Variants in SPAG17 observed in about 807,000 individuals in gnomAD.
The protein encoded by SPAG17 is sperm-associated antigen 17.
Under a neutral mutation model 273.6 loss-of-function variants are expected in SPAG17, and 169 were observed. The observed-to-expected ratio is 0.62, with a 90% CI of 0.55 to 0.70. SPAG17 has a LOEUF of 0.70. Among genes scored for constraint, SPAG17 ranks in the 30% least tolerant of loss-of-function variants. SPAG17 has a pLI of 0.00. For synonymous variants in SPAG17, 825 were observed against 873.2 expected (o/e 0.94, Z 0.97); for missense variants, 2,557 against 2,627.8 (o/e 0.97, Z 0.59).
intron 4 of SPAG17, among the ~76,000 whole-genome samples, chr1:118,108,765 G>A (rs888041506): frequency 4.0e-5 from 6 of 151,604 alleles, no homozygotes; most frequent in African/African-American, 1.2e-4. Context: ...ACTGTGAGAC[G>A]GCTTTGGATA....
intron 18 of SPAG17, among the ~76,000 whole-genome samples, chr1:118,062,603 T>C (rs558727470): frequency 2.3e-4 from 35 of 152,108 alleles, no homozygotes; most frequent in Non-Finnish European, 3.2e-4. Context: ...TTTAATAATA[T>C]AACCTCCATA....
At chr1:118,111,897 G>T (rs1365371595) in intron 4 of SPAG17, among the ~76,000 whole-genome samples, 1 of 152,026 alleles carries the variant, frequency 6.6e-6, no homozygotes, top group Non-Finnish European at 1.5e-5. Context: ...GCAAAAGAAA[G>T]AACTAATTTT....
At chr1:118,121,393 C>T (rs1349579284) in intron 3 of SPAG17, among the ~76,000 whole-genome samples, 3 of 152,122 alleles carry the variant, frequency 2.0e-5, no homozygotes, top group Non-Finnish European at 2.9e-5. Flanking sequence ...GGTCCCATCC[C>T]CTGGTTAGGG....
chr1:118,031,226 T>C (rs899218223), intron 25 of SPAG17, among the ~76,000 whole-genome samples: 3 of 130,014 alleles, frequency 2.3e-5, no homozygotes, highest in Non-Finnish European at 4.7e-5. Flanking sequence ...TAATCAGAGG[T>C]GGGCTGTTAG....
chr1:118,120,815 T>C (rs1387908229), intron 3 of SPAG17, among the ~76,000 whole-genome samples: 1 of 152,258 alleles, frequency 6.6e-6, no homozygotes, highest in Non-Finnish European at 1.5e-5. Flanking sequence ...TACTAAATCC[T>C]TCCTGCCATG....
At chr1:118,086,574 G>C in intron 12 of SPAG17, 97 bp downstream of exon 12, 3 of 997,478 alleles carry the variant, frequency 3.0e-6, no homozygotes, top group Non-Finnish European at 4.6e-6. Context: ...ATTTTAATTA[G>C]TGTTGATGAA....
chr1:118,041,878 A>C lies in SPAG17; in HGVS notation c.2979T>G (p.Ser993=). ...LKKKSPYKEK[S]KEEQVKIQEV... is the part of the protein sequence containing the mutation. ...CTTGGATCTTGACTTGTTCTTCTTT[A>C]GATTTCTCCTTGTAAGGTGATTTTT... is the stretch of plus-strand genomic sequence containing the variant. Residue 993 remains serine, a synonymous_variant, in exon 21 of 49, where the codon TCT becomes TCG. Transcript: ENST00000336338. The C allele has an allele frequency of 6.2e-7, 1 of 1,613,808 alleles. No homozygotes were observed. The highest frequency in any genetic ancestry group is 8.5e-7 in the Non-Finnish European group (1 of 1,179,850).
At chr1:118,102,380 A>G (rs1240221748) in intron 4 of SPAG17, among the ~76,000 whole-genome samples, 2 of 152,240 alleles carry the variant, frequency 1.3e-5, no homozygotes, top group Non-Finnish European at 2.9e-5. Flanking sequence ...AAAAAGGAAA[A>G]TAGATGTTTT....
intron 4 of SPAG17, among the ~76,000 whole-genome samples, chr1:118,107,069 A>C (rs900797916): frequency 6.6e-6 from 1 of 152,178 alleles, no homozygotes; most frequent in Non-Finnish European, 1.5e-5. Flanking sequence ...ATCATCTTTA[A>C]TTTGATCTCA....
chr1:118,099,560 T>C (rs1210495584), intron 6 of SPAG17, 46 bp downstream of exon 6: 5 of 1,474,392 alleles, frequency 3.4e-6, no homozygotes, highest in Non-Finnish European at 4.7e-6. Flanking sequence ...TTAAGGACAG[T>C]GGGTAATATT....
intron 17 of SPAG17, among the ~76,000 whole-genome samples, chr1:118,072,888 G>A (rs1416688155): frequency 6.6e-6 from 1 of 152,062 alleles, no homozygotes; most frequent in East Asian, 1.9e-4. Context: ...AATTGGTAAT[G>A]ATGTCACAAA....
intron 32 of SPAG17, among the ~76,000 whole-genome samples, chr1:118,004,996 C>T (rs2101734592): frequency 6.6e-6 from 1 of 152,320 alleles, no homozygotes; most frequent in African/African-American, 2.4e-5. Context: ...TCCACTTCCC[C>T]ACTTTCAACC....
chr1:118,008,119 G>A lies in SPAG17; in HGVS notation c.4512C>T (p.Asn1504=). 1 of 1,614,054 alleles carries A rather than the reference G, an allele frequency of 6.2e-7. No homozygotes were observed. Among genetic ancestry groups the A allele is most frequent in the Non-Finnish European group, 8.5e-7 (1 of 1,179,972 alleles). The part of the protein sequence containing the change: ...ESSRYATVIA[N]CEDSSCCATF... ...TGGCACAGCAGCTACTGTCCTCACA[G>A]TTGGCGATAACAGTGGCATAGCGTG... Residue 1504 remains asparagine (N), a synonymous_variant, in exon 31 of 49, where the codon AAC becomes AAT. Coordinates refer to ENST00000336338, the MANE Select transcript of SPAG17 (RefSeq NM_206996.4).
chr1:118,035,823 T>C (rs1649014567), intron 24 of SPAG17, among the ~76,000 whole-genome samples: 2 of 152,190 alleles, frequency 1.3e-5, no homozygotes, highest in Admixed American at 1.3e-4. Flanking sequence ...ATTTCCCAAT[T>C]GATTCTTCGT....
chr1:117,981,567 A>T (rs1219977003), intron 42 of SPAG17, among the ~76,000 whole-genome samples, 166 bp from the exon 43 acceptor site: 2 of 152,230 alleles, frequency 1.3e-5, no homozygotes, highest in Non-Finnish European at 2.9e-5. Context: ...ATTAAGAGGC[A>T]GGGATTCTTA....
At chr1:117,973,993 G>A (rs1654861479) in intron 43 of SPAG17, among the ~76,000 whole-genome samples, 1 of 152,130 alleles carries the variant, frequency 6.6e-6, no homozygotes, top group Non-Finnish European at 1.5e-5. Flanking sequence ...CAAAGAACAT[G>A]ATTTCATTCT....
chr1:118,086,586 T>C (rs1655012649), intron 12 of SPAG17, 85 bp downstream of exon 12: 2 of 1,117,394 alleles, frequency 1.8e-6, no homozygotes, highest in Non-Finnish European at 2.7e-6. Flanking sequence ...GTTGATGAAG[T>C]TATCTAATTA....
At chr1:118,039,145 T>C in intron 23 of SPAG17, 147 bp downstream of exon 23, 1 of 811,830 alleles carries the variant, frequency 1.2e-6, no homozygotes, top group African/African-American at 1.8e-5. Flanking sequence ...TTCAGGAAAA[T>C]AGGCAACTTC....
chr1:117,996,814 T>A, intron 32 of SPAG17, 71 bp from the exon 33 acceptor site: 1 of 1,442,726 alleles, frequency 6.9e-7, no homozygotes. Context: ...CTGATTCAAT[T>A]TGAGAAAACA....
Sources: allele counts gnomAD v4.1 joint callset (sites outside exome capture counted in the v4.1 genomes callset), GRCh38; gene constraint gnomAD v4.1.1; transcripts MANE v1.5; gene names NCBI Gene and HGNC (gene_info 2026-07-23, HGNC 2026-07-21).